Variants in ZNF512 observed in about 807,000 individuals in gnomAD.
ZNF512 encodes the protein zinc finger protein 512.
Under a neutral mutation model 77.5 loss-of-function variants are expected in ZNF512, and 25 were observed. The observed-to-expected ratio is 0.32, with a 90% confidence interval of 0.23 to 0.45. ZNF512 has a LOEUF of 0.45. Among genes scored for constraint, ZNF512 ranks in the 20% least tolerant of loss-of-function variants. ZNF512 has a pLI of 1.00. For missense variants in ZNF512, 483 were observed against 692.6 expected, an observed-to-expected ratio of 0.70 and a Z score of 3.40; for synonymous variants, 246 against 239.9, an observed-to-expected ratio of 1.03 and a Z score of -0.24.
intron 2 of ZNF512, among the ~76,000 whole-genome samples, chr2:27,595,101 C>A (rs557756139): frequency 1.3e-5 from 2 of 152,130 alleles, no homozygotes; most frequent in Admixed American, 6.5e-5. Flanking sequence ...TATGGTCCAG[C>A]CTTGGCAACA....
intron 2 of ZNF512, among the ~76,000 whole-genome samples, chr2:27,586,701 A>G (rs768344064): frequency 6.6e-6 from 1 of 152,230 alleles, no homozygotes; most frequent in Non-Finnish European, 1.5e-5. Context: ...CCGTGAAACC[A>G]TTGCCACAAT....
chr2:27,601,495 G>A, intron 7 of ZNF512, 53 bp downstream of exon 7: 1 of 1,443,430 alleles, frequency 6.9e-7, no homozygotes, highest in African/African-American at 1.4e-5. Flanking sequence ...TTTTTTTTGA[G>A]ATGGAGTCTC....
At chr2:27,603,573 A>AGTGTGTGTGTGTGTGTGTGTGT (rs11273312) in intron 9 of ZNF512, among the ~76,000 whole-genome samples, 4,773 of 133,058 alleles carry the variant, frequency 0.036, 345 homozygotes, top group African/African-American at 0.13. Context: ...ATTTTTATAT[A>AGTGTGTGTGTGTGTGTGTGTGT]GTGTGTGTGT....
chr2:27,615,325 T>G, intron 11 of ZNF512, 56 bp downstream of exon 11: 1 of 1,157,432 alleles, frequency 8.6e-7, no homozygotes, highest in African/African-American at 1.6e-5. Context: ...CTGCTCTTGC[T>G]TCTGTTATTT....
intron 2 of ZNF512, among the ~76,000 whole-genome samples, chr2:27,586,273 A>G (rs1237730813): frequency 6.6e-6 from 1 of 151,882 alleles, no homozygotes; most frequent in Non-Finnish European, 1.5e-5. Context: ...TCTGTCGCCT[A>G]GGCTGGAGTG....
At chr2:27,601,251 G>A in intron 6 of ZNF512, 105 bp from the exon 7 acceptor site, 2 of 804,874 alleles carry the variant, frequency 2.5e-6, no homozygotes, top group Non-Finnish European at 3.9e-6. Context: ...TGACTATTGA[G>A]CTTGAGAAAT....
rs1673126253 is a variant in ZNF512 at position 27,621,621 on chromosome 2, AC to A, written c.*161del. 1 of 727,888 alleles carries A rather than the reference AC, an allele frequency of 1.4e-6. No homozygotes were observed. 45.1% of individuals were successfully genotyped at this position (727,888 alleles called of 1,614,324 possible). On this transcript the variant is annotated 3_prime_UTR_variant, in exon 14 of 14. Transcript: ENST00000355467. ...GTAAATTTCACTGTCTTCCCTTCTT[AC>A]ATTTTGATTCCCCCCTCCCCTTTTA... is the stretch of plus-strand genomic sequence containing the variant.
chr2:27,618,380 C>T (rs977377238), intron 13 of ZNF512, among the ~76,000 whole-genome samples: 29 of 152,128 alleles, frequency 1.9e-4, no homozygotes, highest in African/African-American at 6.5e-4. Flanking sequence ...GTTTAAAATA[C>T]TGGATAAAAC....
intron 7 of ZNF512, among the ~76,000 whole-genome samples, chr2:27,601,649 G>C (rs1572918547): frequency 1.3e-5 from 2 of 151,238 alleles, no homozygotes; most frequent in African/African-American, 4.9e-5. Flanking sequence ...AATTTTTTTT[G>C]TTTTGTTTTG....
At chr2:27,587,270 T>G (rs1291985356) in intron 2 of ZNF512, among the ~76,000 whole-genome samples, 2 of 28,486 alleles carry the variant, frequency 7.0e-5, no homozygotes, top group Admixed American at 1.0e-3. Flanking sequence ...ATTCATGGGT[T>G]TTTTTTTTTT....
In ZNF512 at chr2:27,602,553, A is replaced by G. The variant is rs1191702707; in HGVS notation, c.760A>G (p.Met254Val). The G allele has an allele frequency of 1.2e-6, 2 of 1,613,256 alleles. No individual in the cohort carries two copies. Among genetic ancestry groups the G allele is most frequent in the East Asian group, 2.2e-5 (1 of 44,882 alleles). ...VLKRLGKLRC[M>V]RESCSSSFTS... Reference sequence around the variant, plus strand: ...AAAGAGACTGGGAAAGCTCAGGTGCATGCGTGAGGTAAGGGCCCAAGGACA... The same window carrying G: ...AAAGAGACTGGGAAAGCTCAGGTGCGTGCGTGAGGTAAGGGCCCAAGGACA... The change falls in exon 8 of 14, where the codon ATG becomes GTG. Residue 254 changes from methionine (M) to valine (V), a missense_variant. Transcript: ENST00000355467.
At position 27,594,466 on chromosome 2, in the gene ZNF512, C is replaced by T. The variant is rs547189033; in HGVS notation, c.90-3601C>T. Among the ~76,000 whole-genome samples the T allele has an allele frequency of 1.6e-4, 18 of 115,000 alleles. No homozygotes were observed. The East Asian group carries it at 2.5e-3, about 16-fold the overall frequency. 75.4% of individuals were successfully genotyped at this position (115,000 alleles called of 152,430 possible). ...CTCACCTCCCAGACGGGGTGGCGGC[C>T]GGGCAGAGGTGCTCCTCACCTCCCA... On this transcript the variant is annotated intron_variant, in intron 2 of 13. Transcript: ENST00000355467.
Position 27,601,541 on chromosome 2 carries a change from C to T in ZNF512, c.669+99C>T, listed in dbSNP as rs1672114219. On this transcript the variant is annotated intron_variant, in intron 7 of 13. Coordinates refer to ENST00000355467, the MANE Select transcript of ZNF512 (RefSeq NM_032434.4). ...CCAGGCTGGAGTGCAGTGGCACGATCTCGGCTTACTGCAACCTCCACCTCC... is the reference window on the plus strand; with the variant it reads ...CCAGGCTGGAGTGCAGTGGCACGATTTCGGCTTACTGCAACCTCCACCTCC... 3 of 948,300 alleles carry T rather than the reference C, an allele frequency of 3.2e-6. No individual in the cohort carries two copies. The Admixed American group carries it at 6.4e-5, about 20-fold the overall frequency. The allele number at this position is 948,300 out of a possible 1,614,324, so 58.7% of individuals were successfully genotyped here.
intron 1 of ZNF512, 45 bp downstream of exon 1, chr2:27,583,187 C>G: frequency 3.1e-6 from 5 of 1,613,992 alleles, no homozygotes; most frequent in Non-Finnish European, 4.2e-6. Context: ...GTAGCGCTGT[C>G]GAGCCCGGAA....
At chr2:27,595,995 T>C (rs938878984) in intron 2 of ZNF512, among the ~76,000 whole-genome samples, 1 of 152,234 alleles carries the variant, frequency 6.6e-6, no homozygotes, top group Non-Finnish European at 1.5e-5. Context: ...GTGAATACTT[T>C]TTGTGTAGAT....
Position 27,603,271 on chromosome 2 carries a change from T to C in ZNF512, c.900T>C (p.Ala300=), listed in dbSNP as rs1392776202. The C allele has an allele frequency of 6.2e-7, 1 of 1,614,048 alleles. No homozygotes were observed. The highest frequency in any genetic ancestry group is 8.5e-7 in the Non-Finnish European group (1 of 1,179,952). ...HHCGKPYRSK[A]GLAYHLRSEH... ...GTGGAAAACCATATAGGTCGAAGGC[T>C]GGACTTGCATATCACCTGAGGTCAG... is the stretch of plus-strand genomic sequence containing the variant. Residue 300 remains alanine (A), a synonymous_variant, in exon 9 of 14, where the codon GCT becomes GCC. Coordinates refer to ENST00000355467, the MANE Select transcript of ZNF512 (RefSeq NM_032434.4).
intron 9 of ZNF512, among the ~76,000 whole-genome samples, chr2:27,606,123 A>T (rs1672344626): frequency 6.6e-6 from 1 of 152,130 alleles, no homozygotes; most frequent in Admixed American, 6.5e-5. Flanking sequence ...GTATGTCTTT[A>T]ATGAAGTGTC....
chr2:27,598,616 G>A lies in ZNF512; in HGVS notation c.277+362G>A, dbSNP rs149733682. Reference sequence around the variant, plus strand: ...TGCACTGTAGCCTGGGCGAAAGAGCGAGACTCCGTCTCAAAAAAAAAAAAA... The same window carrying A: ...TGCACTGTAGCCTGGGCGAAAGAGCAAGACTCCGTCTCAAAAAAAAAAAAA... On this transcript the variant is annotated intron_variant, in intron 3 of 13. Transcript: ENST00000355467. 8.1e-3 allele frequency among the ~76,000 whole-genome samples: 1,196 copies of A among 147,778 alleles called. 27 individuals carry two copies. Among genetic ancestry groups the A allele is most frequent in the African/African-American group, 0.029 (1,139 of 39,902 alleles).
At chr2:27,606,192 A>G (rs1672349033) in intron 9 of ZNF512, among the ~76,000 whole-genome samples, 1 of 151,442 alleles carries the variant, frequency 6.6e-6, no homozygotes, top group South Asian at 2.1e-4. Context: ...TAAGTTTGGG[A>G]TATATTCTGG....
Sources: allele counts gnomAD v4.1 joint callset (sites outside exome capture counted in the v4.1 genomes callset), GRCh38; gene constraint gnomAD v4.1.1; transcripts MANE v1.5; gene names NCBI Gene and HGNC (gene_info 2026-07-23, HGNC 2026-07-21).